KDM4C: variants seen among roughly 807,000 people sequenced by gnomAD.
The protein encoded by KDM4C is lysine-specific demethylase 4C.
KDM4C carries 81 observed loss-of-function variants against 129.3 expected under a neutral mutation model. That is an observed-to-expected ratio of 0.63 (90% CI 0.52 to 0.75). KDM4C has a LOEUF of 0.75. Among genes scored for constraint, KDM4C ranks in the 30% least tolerant of loss-of-function variants. The pLI, the probability that KDM4C is intolerant of heterozygous loss-of-function variation, is 0.00. For synonymous variants in KDM4C, 573 were observed against 456.1 expected, an observed-to-expected ratio of 1.26 and a Z score of -3.26; for missense variants, 1,457 against 1,304.0, an observed-to-expected ratio of 1.12 and a Z score of -1.81.
At chr9:6,902,528 G>T (rs1220282271) in intron 8 of KDM4C, 6 of 152,216 alleles carry the variant, frequency 3.9e-5, no homozygotes, top group Admixed American at 3.9e-4. Flanking sequence ...TTTCCTACCT[G>T]TAAAGAGGGC....
intron 8 of KDM4C, among the ~76,000 whole-genome samples, chr9:6,940,018 CTTCCTTCCTTCCTTCT>C (rs1235537659): frequency 4.9e-4 from 64 of 131,446 alleles, no homozygotes; most frequent in African/African-American, 1.4e-3. Flanking sequence ...TCCTTCCTTC[CTTCCTTCCTTCCTTCT>C]TTCCTTCCTT....
chr9:6,921,569 T>C (rs1378308242), intron 8 of KDM4C, among the ~76,000 whole-genome samples: 1 of 152,220 alleles, frequency 6.6e-6, no homozygotes, highest in African/African-American at 2.4e-5. Context: ...GTCCAACCAC[T>C]ATAAGTCATT....
chr9:6,964,396 G>A (rs9802471), intron 8 of KDM4C, among the ~76,000 whole-genome samples: 70,710 of 151,890 alleles, frequency 0.47, 18,435 homozygotes, highest in East Asian at 0.78. Context: ...AGCTTCATCC[G>A]TGTCGCTACA....
chr9:6,829,070 G>T (rs1457052312), intron 4 of KDM4C, among the ~76,000 whole-genome samples: 4 of 152,232 alleles, frequency 2.6e-5, no homozygotes, highest in African/African-American at 9.6e-5. Context: ...TGTCAGCAAT[G>T]GTGGGTGTTG....
At chr9:6,851,193 G>A (rs944360020) in intron 5 of KDM4C, among the ~76,000 whole-genome samples, 1 of 152,064 alleles carries the variant, frequency 6.6e-6, no homozygotes. Context: ...TGTCCAGGCC[G>A]GTGCTGACCT....
At chr9:6,742,025 T>C (rs1214731426) in intron 1 of KDM4C, among the ~76,000 whole-genome samples, 1 of 152,042 alleles carries the variant, frequency 6.6e-6, no homozygotes, top group Non-Finnish European at 1.5e-5. Flanking sequence ...CAGGCTGAAG[T>C]GCAGTGGAGT....
intron 21 of KDM4C, among the ~76,000 whole-genome samples, chr9:7,172,357 A>T (rs898018534): frequency 1.3e-5 from 2 of 152,190 alleles, no homozygotes; most frequent in Non-Finnish European, 2.9e-5. Context: ...GAATAACCAT[A>T]GCAACGGTGC....
chr9:7,087,376 T>G (rs1055578520), intron 17 of KDM4C, among the ~76,000 whole-genome samples: 1 of 152,166 alleles, frequency 6.6e-6, no homozygotes, highest in East Asian at 1.9e-4. Context: ...TTTAAAGGCT[T>G]CATCTATCTG....
chr9:7,010,207 A>G (rs1188125579), intron 12 of KDM4C, among the ~76,000 whole-genome samples: 1 of 152,198 alleles, frequency 6.6e-6, no homozygotes, highest in Non-Finnish European at 1.5e-5. Context: ...TTACATTTAG[A>G]GTCAGATTAC....
At chr9:6,768,927 C>T (rs1302688268) in intron 1 of KDM4C, among the ~76,000 whole-genome samples, 1 of 152,062 alleles carries the variant, frequency 6.6e-6, no homozygotes, top group African/African-American at 2.4e-5. Flanking sequence ...TGCCCATCAC[C>T]ATGCCCGGGT....
intron 8 of KDM4C, among the ~76,000 whole-genome samples, chr9:6,930,802 T>G (rs186507259): frequency 6.6e-6 from 1 of 151,478 alleles, no homozygotes; most frequent in African/African-American, 2.4e-5. Context: ...GCAATGAATG[T>G]TCTTTTGTTG....
chr9:6,986,815 G>A, intron 11 of KDM4C, 149 bp downstream of exon 11: 1 of 590,500 alleles, frequency 1.7e-6, no homozygotes, highest in Admixed American at 3.3e-5. Flanking sequence ...TTCAATAACT[G>A]GGAGGTAAGC....
In KDM4C at chr9:7,165,248, G is replaced by T. The variant is rs777827556; in HGVS notation, c.2792G>T (p.Cys931Phe). 12 of 1,614,052 alleles carry T rather than the reference G, an allele frequency of 7.4e-6. No individual in the cohort carries two copies. The highest frequency in any genetic ancestry group is 1.0e-5 in the Non-Finnish European group (12 of 1,180,030). The change falls in exon 20 of 22, where the codon TGT (cysteine) becomes TTT (phenylalanine). Residue 931 changes from cysteine to phenylalanine, a missense_variant. Physicochemically the swap from Cys to Phe is radical, Grantham distance 205 (BLOSUM62 -2). Transcript: ENST00000381309. ...TFPEDIVSRD[C>F]LKLGPPAEGE... ...CTGTTTATTCTGCAGAGCCGAGACT[G>T]TCTGAAGCTGGGCCCACCTGCTGAG...
upstream of KDM4C, among the ~76,000 whole-genome samples, chr9:6,753,868 C>CTTTTTTTTTT (rs869158656): frequency 6.2e-5 from 5 of 80,374 alleles, no homozygotes; most frequent in East Asian, 4.0e-4. Context: ...TCATTGAATT[C>CTTTTTTTTTT]TTTTTTTTTT....
intron 17 of KDM4C, among the ~76,000 whole-genome samples, chr9:7,076,015 G>A (rs1253434466): frequency 1.3e-5 from 2 of 152,122 alleles, no homozygotes; most frequent in Non-Finnish European, 2.9e-5. Context: ...GGGATAGAAC[G>A]AACATTTATG....
chr9:6,774,844 T>C (rs1822667597), intron 1 of KDM4C, among the ~76,000 whole-genome samples: 1 of 152,176 alleles, frequency 6.6e-6, no homozygotes, highest in South Asian at 2.1e-4. Context: ...ATCCATCTTC[T>C]CTCCTTGGCA....
chr9:6,861,195 C>G (rs1487034075), intron 5 of KDM4C, among the ~76,000 whole-genome samples: 1 of 152,128 alleles, frequency 6.6e-6, no homozygotes, highest in Non-Finnish European at 1.5e-5. Flanking sequence ...AGTTTTACTA[C>G]TTTATTATGT....
intron 17 of KDM4C, among the ~76,000 whole-genome samples, chr9:7,078,930 T>G (rs1413253188): frequency 6.6e-6 from 1 of 152,158 alleles, no homozygotes; most frequent in Non-Finnish European, 1.5e-5. Flanking sequence ...CAAAGCAAAG[T>G]TTGCTTATAC....
chr9:6,885,112 C>T (rs934452853), intron 6 of KDM4C, among the ~76,000 whole-genome samples: 1 of 152,136 alleles, frequency 6.6e-6, no homozygotes, highest in Non-Finnish European at 1.5e-5. Flanking sequence ...ACATGATAAG[C>T]CACTGTTATC....
Sources: gnomAD v4.1 joint callset for allele counts (sites outside exome capture counted in the v4.1 genomes callset) on GRCh38, gnomAD v4.1.1 for gene constraint, MANE v1.5 for transcripts, NCBI Gene and HGNC (gene_info 2026-07-23, HGNC 2026-07-21) for gene names.